The following CSN1S1 variants were observed in gnomAD, a reference collection of about 807,000 sequenced individuals.
CSN1S1 encodes casein alpha s1, also known as alpha-S1-casein.
Under a neutral mutation model 49.1 loss-of-function variants are expected in CSN1S1, and 63 were observed. That is an observed-to-expected ratio of 1.28 (90% CI 1.05 to 1.58). The LOEUF (loss-of-function observed/expected upper bound fraction) is 1.58. Among genes scored for constraint, CSN1S1 ranks in the 40% most tolerant of loss-of-function variants. The probability of loss-of-function intolerance (pLI) is 0.00; values close to 1 mark genes in which losing one functional copy is unlikely to be tolerated. For synonymous variants in CSN1S1, 78 were observed against 67.1 expected, an observed-to-expected ratio of 1.16 and a Z score of -0.79; for missense variants, 260 against 224.7, an observed-to-expected ratio of 1.16 and a Z score of -1.01.
Position 69,946,177 on chromosome 4 carries a change from T to A in CSN1S1, c.*-19T>A. The A allele has an allele frequency of 1.9e-6, 1 of 534,258 alleles. No individual in the cohort carries two copies. The highest frequency in any genetic ancestry group is 2.6e-5 in the South Asian group (1 of 38,696). The allele number at this position is 534,258 out of a possible 1,614,324, so 33.1% of individuals were successfully genotyped here. ...AATATTTAATATAACTCACCACATA[T>A]TTCTATTTCTATTTACAGATATGAT... On this transcript the variant is annotated intron_variant, in intron 15 of 15. Transcript: ENST00000246891.
Position 69,939,914 on chromosome 4 carries a change from C to T in CSN1S1, c.277-107C>T, listed in dbSNP as rs1047121402. The stretch of plus-strand genomic sequence containing the variant: ...TTTTTTGGGAATTTATCACTAAAAT[C>T]AATTCACTGCAATTATTTAGTAATA... On this transcript the variant is annotated intron_variant, in intron 10 of 15. Transcript: ENST00000246891. 6.1e-6 allele frequency: 4 copies of T among 656,488 alleles called. No individual in the cohort carries two copies. In the Admixed American group the frequency reaches 1.0e-4, roughly 17 times the overall value. 40.7% of individuals were successfully genotyped at this position (656,488 alleles called of 1,614,324 possible). A position where few individuals can be genotyped will look rare whatever the true frequency, so the allele number is the denominator to read the frequency against.
At chr4:69,943,080 T>A (rs76190462) in intron 14 of CSN1S1, among the ~76,000 whole-genome samples, 1,624 of 150,964 alleles carry the variant, frequency 0.011, 16 homozygotes, top group East Asian at 0.034. Context: ...TCACTGTCAC[T>A]GGCTAAAGTA....
Position 69,932,560 on chromosome 4 carries a change from G to A in CSN1S1, c.5G>A (p.Arg2Lys), listed in dbSNP as rs777443833. Residue 2 changes from arginine (R) to lysine (K), a missense_variant, in exon 2 of 16, where the codon AGG (arginine) becomes AAG (lysine). Coordinates refer to ENST00000246891, the MANE Select transcript of CSN1S1 (RefSeq NM_001890.2). ...CTTACATAGGCTCTGATAACCATGA[G>A]GCTTCTCATTCTCACCTGTCTTGTG... is the stretch of plus-strand genomic sequence containing the variant. Reference protein sequence around the residue: MRLLILTCLVAV... With the variant: MKLLILTCLVAV... 2.0e-5 allele frequency: 32 copies of A among 1,602,820 alleles called. No individual in the cohort carries two copies. The highest frequency in any genetic ancestry group is 4.5e-5 in the South Asian group (4 of 89,302).
intron 15 of CSN1S1, among the ~76,000 whole-genome samples, chr4:69,945,535 A>G (rs1221823347): frequency 6.6e-6 from 1 of 152,032 alleles, no homozygotes; most frequent in Non-Finnish European, 1.5e-5. Context: ...TATTGTGGGC[A>G]AAATAAACAC....
In CSN1S1 at chr4:69,943,386, T is replaced by C. The variant is rs75626030; in HGVS notation, c.402+809T>C. Among the ~76,000 whole-genome samples the C allele has an allele frequency of 6.6e-5, 10 of 152,062 alleles. No homozygotes were observed. The East Asian group carries it at 1.4e-3, about 21-fold the overall frequency. ...TTTTAGTAGAGACAGGTTTTCACCATGTTGGCCAGGTTGGTCTCAAACTCC... is the reference window on the plus strand; with the variant it reads ...TTTTAGTAGAGACAGGTTTTCACCACGTTGGCCAGGTTGGTCTCAAACTCC... On this transcript the variant is annotated intron_variant, in intron 14 of 15. Coordinates refer to ENST00000246891, the MANE Select transcript of CSN1S1 (RefSeq NM_001890.2).
At chr4:69,935,384 T>A (rs1290293294) in intron 4 of CSN1S1, among the ~76,000 whole-genome samples, 7 of 150,984 alleles carry the variant, frequency 4.6e-5, no homozygotes, top group South Asian at 4.2e-4. Context: ...ACAAAAAAAA[T>A]TTTGAAAAAA....
At chr4:69,937,932 CTG>C in intron 9 of CSN1S1, 109 bp downstream of exon 9, 1 of 664,528 alleles carries the variant, frequency 1.5e-6, no homozygotes, top group Non-Finnish European at 2.4e-6. Flanking sequence ...AAATAAGAAA[CTG>C]AATTTTAAAA....
intron 15 of CSN1S1, among the ~76,000 whole-genome samples, chr4:69,945,803 A>G (rs9992853): frequency 0.083 from 12,615 of 151,950 alleles, 717 homozygotes; most frequent in East Asian, 0.17. Flanking sequence ...AAAAAGGTCT[A>G]TAAGTTCAAT....
chr4:69,936,746 C>A, intron 7 of CSN1S1, 139 bp downstream of exon 7: 1 of 708,816 alleles, frequency 1.4e-6, no homozygotes, highest in Non-Finnish European at 2.3e-6. Context: ...TTTGTAGTGA[C>A]TAATGGAGTC....
chr4:69,937,340 A>G (rs1267426742), intron 8 of CSN1S1, among the ~76,000 whole-genome samples, 196 bp downstream of exon 8: 1 of 149,622 alleles, frequency 6.7e-6, no homozygotes, highest in Non-Finnish European at 1.5e-5. Flanking sequence ...TTCTATGGAT[A>G]ATGTCACTGA....
chr4:69,940,986 C>G (rs1722953264), intron 11 of CSN1S1, 33 bp from the exon 12 acceptor site: 1 of 1,239,784 alleles, frequency 8.1e-7, no homozygotes, highest in South Asian at 1.4e-5. Context: ...GAATGACATC[C>G]AAGCAATTGA....
chr4:69,940,955 T>C, intron 11 of CSN1S1, 64 bp from the exon 12 acceptor site: 1 of 820,424 alleles, frequency 1.2e-6, no homozygotes, highest in Non-Finnish European at 1.9e-6. Flanking sequence ...TTTCATCATA[T>C]GAAAATGATG....
chr4:69,943,631 G>A (rs929978540), intron 14 of CSN1S1, among the ~76,000 whole-genome samples: 8 of 151,890 alleles, frequency 5.3e-5, no homozygotes, highest in Non-Finnish European at 8.8e-5. Context: ...CTGCTATAGC[G>A]GAATACCACA....
At chr4:69,935,188 A>T (rs2071358001) in intron 4 of CSN1S1, among the ~76,000 whole-genome samples, 1 of 152,080 alleles carries the variant, frequency 6.6e-6, no homozygotes, top group African/African-American at 2.4e-5. Context: ...TTATCCACTT[A>T]TTCTTAAAAG....
At chr4:69,941,659 A>G (rs1722970182) in intron 12 of CSN1S1, among the ~76,000 whole-genome samples, 1 of 151,946 alleles carries the variant, frequency 6.6e-6, no homozygotes, top group South Asian at 2.1e-4. Flanking sequence ...TAGCATTTTT[A>G]ATCGTTATCA....
intron 6 of CSN1S1, 21 bp downstream of exon 6, chr4:69,936,500 T>C (rs962689): frequency 0.26 from 418,198 of 1,583,588 alleles, 58,924 homozygotes; most frequent in South Asian, 0.35. Context: ...TCAATGAAAT[T>C]TAAATTATGT....
intron 14 of CSN1S1, 141 bp downstream of exon 14, chr4:69,942,718 C>A (rs367799995): frequency 6.0e-6 from 4 of 663,728 alleles, no homozygotes; most frequent in Non-Finnish European, 5.3e-6. Context: ...TCAGTTCTGA[C>A]AACTTCTAAG....
intron 7 of CSN1S1, among the ~76,000 whole-genome samples, 186 bp from the exon 8 acceptor site, chr4:69,936,935 T>G (rs1722805496): frequency 6.6e-6 from 1 of 152,000 alleles, no homozygotes; most frequent in Non-Finnish European, 1.5e-5. Context: ...TAATACAATA[T>G]CTGGCTCAAG....
At chr4:69,932,155 C>G (rs1722628611) in intron 1 of CSN1S1, among the ~76,000 whole-genome samples, 1 of 151,838 alleles carries the variant, frequency 6.6e-6, no homozygotes. Flanking sequence ...TTATTGCCCA[C>G]TTTAGAAAAT....
Sources: gnomAD v4.1 joint callset for allele counts (sites outside exome capture counted in the v4.1 genomes callset) on GRCh38, gnomAD v4.1.1 for gene constraint, MANE v1.5 for transcripts, NCBI Gene and HGNC (gene_info 2026-07-23, HGNC 2026-07-21) for gene names.